Variants in ADAM12 observed in about 807,000 individuals in gnomAD.
ADAM12 encodes the protein ADAM metallopeptidase domain 12.
In ADAM12, 70 loss-of-function variants were observed where a neutral mutation model predicts 106.4. That is an observed-to-expected ratio of 0.66 (90% CI 0.54 to 0.80). The LOEUF (loss-of-function observed/expected upper bound fraction) is 0.80, where lower values mean the gene tolerates loss of function less well. Among genes scored for constraint, ADAM12 ranks in the 30% least tolerant of loss-of-function variants. The probability of loss-of-function intolerance (pLI) is 0.00; values close to 1 mark genes in which losing one functional copy is unlikely to be tolerated. For missense variants in ADAM12, 1,010 were observed against 1,171.9 expected (o/e 0.86, Z 2.02); for synonymous variants, 420 against 433.5 (o/e 0.97, Z 0.39).
intron 2 of ADAM12, among the ~76,000 whole-genome samples, chr10:126,293,691 G>T (rs375114168): frequency 6.6e-6 from 1 of 151,976 alleles, no homozygotes; most frequent in African/African-American, 2.4e-5. Context: ...GCCAATTTTT[G>T]TTGTTTTTTA....
At chr10:126,332,641 G>T (rs1854561168) in intron 1 of ADAM12, among the ~76,000 whole-genome samples, 1 of 152,240 alleles carries the variant, frequency 6.6e-6, no homozygotes, top group Non-Finnish European at 1.5e-5. Flanking sequence ...CTTATAAGCT[G>T]AGAGCTGATG....
chr10:126,144,906 G>A (rs181540365), intron 4 of ADAM12, among the ~76,000 whole-genome samples: 4 of 152,276 alleles, frequency 2.6e-5, no homozygotes, highest in East Asian at 3.9e-4. Context: ...TTAAGTGCTC[G>A]AGCTGGGATT....
At chr10:126,044,251 C>T (rs879741120) in intron 17 of ADAM12, among the ~76,000 whole-genome samples, 14 of 149,474 alleles carry the variant, frequency 9.4e-5, no homozygotes, top group Non-Finnish European at 1.6e-4. Flanking sequence ...GCCTAGCCAA[C>T]GTGGTGAAAC....
At chr10:126,246,353 C>T (rs550211631) in intron 3 of ADAM12, among the ~76,000 whole-genome samples, 1 of 152,198 alleles carries the variant, frequency 6.6e-6, no homozygotes, top group South Asian at 2.1e-4. Flanking sequence ...AGGAAAATAG[C>T]CATAGACAAC....
chr10:126,134,760 G>A (rs748579443), intron 5 of ADAM12, among the ~76,000 whole-genome samples: 4 of 152,158 alleles, frequency 2.6e-5, no homozygotes. Flanking sequence ...CTGCTGATGC[G>A]CAGAATGTGA....
intron 21 of ADAM12, among the ~76,000 whole-genome samples, chr10:126,034,039 C>T (rs1314774579): frequency 1.3e-5 from 2 of 152,182 alleles, no homozygotes; most frequent in African/African-American, 4.8e-5. Context: ...ACAACATCTG[C>T]AGTGACTCTT....
intron 11 of ADAM12, among the ~76,000 whole-genome samples, chr10:126,086,707 A>ATATAT (rs1449849709): frequency 5.4e-5 from 5 of 92,926 alleles, no homozygotes; most frequent in South Asian, 4.2e-4. Flanking sequence ...ATATATATAT[A>ATATAT]AAATAAAATA....
At chr10:126,124,901 AAAAAAAAAAAG>A (rs1393086837) in intron 5 of ADAM12, among the ~76,000 whole-genome samples, 2 of 150,398 alleles carry the variant, frequency 1.3e-5, no homozygotes, top group African/African-American at 4.9e-5. Flanking sequence ...GTCTCAAAAA[AAAAAAAAAAAG>A]AAAAAGAAAA....
At chr10:126,247,126 G>A (rs1958645863) in intron 3 of ADAM12, among the ~76,000 whole-genome samples, 1 of 152,160 alleles carries the variant, frequency 6.6e-6, no homozygotes, top group Non-Finnish European at 1.5e-5. Flanking sequence ...ATCCTGTAAA[G>A]TATCTGAGAG....
chr10:126,259,754 C>T (rs1459395796), intron 3 of ADAM12, among the ~76,000 whole-genome samples: 2 of 152,144 alleles, frequency 1.3e-5, no homozygotes, highest in African/African-American at 4.8e-5. Context: ...GGCAATCAAC[C>T]CAACTGATGA....
At chr10:126,124,000 A>C (rs1440697943) in intron 5 of ADAM12, among the ~76,000 whole-genome samples, 4 of 152,182 alleles carry the variant, frequency 2.6e-5, no homozygotes, top group Non-Finnish European at 5.9e-5. Flanking sequence ...TATTTCCTCA[A>C]GATAAGTTTT....
intron 3 of ADAM12, among the ~76,000 whole-genome samples, chr10:126,234,180 G>C (rs889187712): frequency 3.3e-5 from 5 of 152,120 alleles, no homozygotes; most frequent in Admixed American, 3.3e-4. Flanking sequence ...AAAAAAGATG[G>C]GAAGGAAGGC....
intron 4 of ADAM12, among the ~76,000 whole-genome samples, chr10:126,148,957 A>C (rs1440686064): frequency 6.6e-6 from 1 of 151,998 alleles, no homozygotes; most frequent in East Asian, 1.9e-4. Flanking sequence ...GGCAAGTCTC[A>C]CCCACTACTG....
At chr10:126,235,913 G>T (rs1958405488) in intron 3 of ADAM12, among the ~76,000 whole-genome samples, 1 of 152,102 alleles carries the variant, frequency 6.6e-6, no homozygotes, top group South Asian at 2.1e-4. Flanking sequence ...GGAGGAGGGG[G>T]TGGCTGTACC....
In ADAM12 at chr10:126,036,324, T is replaced by C; in HGVS notation, c.2351A>G (p.Asp784Gly). ...RKPPDSYPPK[D>G]NPRRLLQCQN... is the part of the protein sequence containing the mutation. ...ACACTGCAGCAATCTCCTGGGATTGTCCTGTACAGTCAAAGTAAAAAGCCA... is the reference window on the plus strand; with the variant it reads ...ACACTGCAGCAATCTCCTGGGATTGCCCTGTACAGTCAAAGTAAAAAGCCA... Residue 784 changes from aspartate to glycine, a missense_variant and splice_region_variant, in exon 21 of 23, where the codon GAC becomes GGC. Asp to Gly is a moderately conservative substitution (Grantham distance 94). Coordinates refer to ENST00000448723, the MANE Select transcript of ADAM12 (RefSeq NM_001288973.2). 6.4e-7 allele frequency: 1 copy of C among 1,568,276 alleles called. No individual in the cohort carries two copies. The highest frequency in any genetic ancestry group is 8.6e-7 in the Non-Finnish European group (1 of 1,163,332).
chr10:126,306,254 T>G (rs916615935), intron 2 of ADAM12, among the ~76,000 whole-genome samples: 1 of 152,056 alleles, frequency 6.6e-6, no homozygotes, highest in Admixed American at 6.5e-5. Context: ...TTTCAGTGCC[T>G]ACTTTGGAGA....
At position 126,036,218 on chromosome 10, in the gene ADAM12, G is replaced by A. The variant is rs747343958; in HGVS notation, c.2457C>T (p.Leu819=). ...PQSTQRVLPP[L]HRAPRAPSVP... is the part of the protein sequence containing the mutation. Reference sequence around the variant, plus strand: ...CGCTAGGTGCACGTGGAGCCCGGTGGAGGGGAGGAAGCACTCGCTGAGTTG... The same window carrying A: ...CGCTAGGTGCACGTGGAGCCCGGTGAAGGGGAGGAAGCACTCGCTGAGTTG... Residue 819 remains leucine (L), a synonymous_variant, in exon 21 of 23, where the codon CTC becomes CTT. Transcript: ENST00000448723. The A allele has an allele frequency of 6.4e-6, 10 of 1,552,276 alleles. No individual in the cohort carries two copies. The highest frequency in any genetic ancestry group is 8.7e-6 in the Non-Finnish European group (10 of 1,154,304).
intron 2 of ADAM12, among the ~76,000 whole-genome samples, chr10:126,298,680 C>T (rs147455377): frequency 1.2e-3 from 177 of 151,946 alleles, no homozygotes; most frequent in African/African-American, 4.0e-3. Flanking sequence ...AAAAAAATCA[C>T]GAATCCAAAG....
At chr10:126,266,884 C>T (rs962714573) in intron 3 of ADAM12, among the ~76,000 whole-genome samples, 3 of 152,140 alleles carry the variant, frequency 2.0e-5, no homozygotes, top group African/African-American at 2.4e-5. Context: ...TGCCGCTAAA[C>T]CACGCAGAAG....
Sources: gnomAD v4.1 joint callset for allele counts (sites outside exome capture counted in the v4.1 genomes callset) on GRCh38, gnomAD v4.1.1 for gene constraint, MANE v1.5 for transcripts, NCBI Gene and HGNC (gene_info 2026-07-23, HGNC 2026-07-21) for gene names.